The following ADRA1B variants were observed in gnomAD, a reference collection of about 807,000 sequenced individuals.
ADRA1B encodes adrenoceptor alpha 1B.
A neutral mutation model predicts 17.9 loss-of-function variants in ADRA1B; 17 were observed. The ratio of observed to expected loss-of-function variants is 0.95; its 90% confidence interval spans 0.65 to 1.42. The LOEUF is 1.42. ADRA1B is among the 40% of genes most tolerant of loss of function. The probability of loss-of-function intolerance (pLI) is 0.00; values close to 1 mark genes in which losing one functional copy is unlikely to be tolerated. For missense variants in ADRA1B, 681 were observed against 722.1 expected (o/e 0.94, Z 0.65); for synonymous variants, 366 against 327.6 (o/e 1.12, Z -1.27).
chr5:159,894,575 T>A (rs1003813013), intron 1 of ADRA1B, among the ~76,000 whole-genome samples: 1 of 152,222 alleles, frequency 6.6e-6, no homozygotes, highest in Non-Finnish European at 1.5e-5. Flanking sequence ...AATAAACTGA[T>A]GTGTGCCGAA....
At chr5:159,933,622 G>A (rs1754872572) in intron 1 of ADRA1B, among the ~76,000 whole-genome samples, 1 of 152,162 alleles carries the variant, frequency 6.6e-6, no homozygotes, top group South Asian at 2.1e-4. Context: ...GCCCTGTTGG[G>A]ATGCAACACC....
chr5:159,926,482 A>G (rs985875409), intron 1 of ADRA1B, among the ~76,000 whole-genome samples: 1 of 152,180 alleles, frequency 6.6e-6, no homozygotes, highest in African/African-American at 2.4e-5. Flanking sequence ...AGTAAACTCA[A>G]TAAAAATAGC....
intron 1 of ADRA1B, among the ~76,000 whole-genome samples, chr5:159,892,062 C>A (rs1753988688): frequency 6.6e-6 from 1 of 152,170 alleles, no homozygotes; most frequent in South Asian, 2.1e-4. Context: ...CATGGTGAAA[C>A]CCCACCTCTA....
chr5:159,909,324 C>T (rs1237877396), intron 1 of ADRA1B, among the ~76,000 whole-genome samples: 1 of 152,194 alleles, frequency 6.6e-6, no homozygotes, highest in East Asian at 1.9e-4. Flanking sequence ...ACATCACTCC[C>T]TTGCCTTGCT....
chr5:159,878,172 C>T (rs1350523788), intron 1 of ADRA1B, among the ~76,000 whole-genome samples: 1 of 152,206 alleles, frequency 6.6e-6, no homozygotes, highest in African/African-American at 2.4e-5. Flanking sequence ...CTACAGTTGC[C>T]CTCTTGAATC....
chr5:159,866,396 G>T (rs1201980540), intron 1 of ADRA1B, among the ~76,000 whole-genome samples: 1 of 151,730 alleles, frequency 6.6e-6, no homozygotes, highest in Non-Finnish European at 1.5e-5. Context: ...AGACGAGCCT[G>T]GCCAAAATAG....
chr5:159,924,809 T>G (rs1034768260), intron 1 of ADRA1B, among the ~76,000 whole-genome samples: 2 of 152,318 alleles, frequency 1.3e-5, no homozygotes, highest in African/African-American at 4.8e-5. Context: ...GGAAATTGCT[T>G]TCTGCCATAT....
chr5:159,884,042 A>G (rs1429589752), intron 1 of ADRA1B, among the ~76,000 whole-genome samples: 1 of 152,236 alleles, frequency 6.6e-6, no homozygotes, highest in Non-Finnish European at 1.5e-5. Context: ...TGCGACAGAG[A>G]GAAGTGGTCT....
chr5:159,941,918 T>TC (rs1218682927), intron 1 of ADRA1B, among the ~76,000 whole-genome samples: 2 of 139,306 alleles, frequency 1.4e-5, no homozygotes, highest in Non-Finnish European at 3.2e-5. Flanking sequence ...GTACTGGGTT[T>TC]CTTTTTTTTT....
chr5:159,903,787 C>G (rs1487057191), intron 1 of ADRA1B, among the ~76,000 whole-genome samples: 1 of 152,100 alleles, frequency 6.6e-6, no homozygotes, highest in Non-Finnish European at 1.5e-5. Context: ...CTTAAGAGCA[C>G]CTGGGTACTC....
At chr5:159,942,756 G>A (rs573354337) in intron 1 of ADRA1B, among the ~76,000 whole-genome samples, 4 of 152,112 alleles carry the variant, frequency 2.6e-5, no homozygotes, top group South Asian at 4.2e-4. Flanking sequence ...TTTTCTATGA[G>A]TATGTGTATG....
At position 159,972,051 on chromosome 5, in the gene ADRA1B, A is replaced by ACGCCGCCGCCGCCGT; in HGVS notation, c.1127_1141dup (p.Arg376_Arg380dup). 1 of 1,348,958 alleles carries ACGCCGCCGCCGCCGT rather than the reference A, an allele frequency of 7.4e-7. No homozygotes were observed. The highest frequency in any genetic ancestry group is 9.5e-7 in the Non-Finnish European group (1 of 1,050,462). The allele number at this position is 1,348,958 out of a possible 1,614,324, so 83.6% of individuals were successfully genotyped here. ...AGTGCCGCGGCCGCGGCCGCCGCCG[A>ACGCCGCCGCCGCCGT]CGCCGCCGCCGCCGTCGCCTGGGCG... On this transcript the variant is annotated inframe_insertion, in exon 2 of 2. Coordinates refer to ENST00000306675, the MANE Select transcript of ADRA1B (RefSeq NM_000679.4).
At chr5:159,902,095 TG>T in intron 1 of ADRA1B, among the ~76,000 whole-genome samples, 1 of 152,286 alleles carries the variant, frequency 6.6e-6, no homozygotes, top group South Asian at 2.1e-4. Context: ...GCAACCTAAA[TG>T]TCAGATGAGT....
At chr5:159,935,765 TC>T (rs1754938693) in intron 1 of ADRA1B, among the ~76,000 whole-genome samples, 1 of 152,218 alleles carries the variant, frequency 6.6e-6, no homozygotes, top group African/African-American at 2.4e-5. Flanking sequence ...CAGGCTGGTC[TC>T]CAACTCCTGA....
intron 1 of ADRA1B, chr5:159,951,019 G>T: frequency 1.5e-6 from 1 of 676,844 alleles, no homozygotes; most frequent in Non-Finnish European, 2.8e-6. Flanking sequence ...GGATGACCTC[G>T]CCCAGGGGCA....
chr5:159,983,143 C>T, the ADRA1B span, among the ~76,000 whole-genome samples: 2 of 152,194 alleles, frequency 1.3e-5, no homozygotes, highest in Non-Finnish European at 2.9e-5. Context: ...CCAGGATGAG[C>T]CCAAAGGTTT....
chr5:159,894,417 C>G (rs1344398861), intron 1 of ADRA1B, among the ~76,000 whole-genome samples: 2 of 152,006 alleles, frequency 1.3e-5, no homozygotes, highest in African/African-American at 4.8e-5. Context: ...TCCGTAGAAT[C>G]CAGGCCAGCA....
the ADRA1B span, among the ~76,000 whole-genome samples, chr5:159,979,870 G>GA: frequency 5.9e-4 from 86 of 144,718 alleles, no homozygotes; most frequent in East Asian, 2.0e-3. Flanking sequence ...TCCGTCAAAA[G>GA]AAAAAAAAAA....
chr5:159,932,306 A>G (rs540057577), intron 1 of ADRA1B, among the ~76,000 whole-genome samples: 20 of 152,092 alleles, frequency 1.3e-4, no homozygotes, highest in Middle Eastern at 3.4e-3. Context: ...ACAGGTGTGC[A>G]CCACCACACC....
Sources: allele counts gnomAD v4.1 joint callset (sites outside exome capture counted in the v4.1 genomes callset), GRCh38; gene constraint gnomAD v4.1.1; transcripts MANE v1.5; gene names NCBI Gene and HGNC (gene_info 2026-07-23, HGNC 2026-07-21).